PPFIA2: variants seen among roughly 807,000 people sequenced by gnomAD.
PPFIA2 encodes the protein PPFI scaffold protein A2, also known as liprin-alpha-2.
A neutral mutation model predicts 175.5 loss-of-function variants in PPFIA2; 46 were observed. The observed-to-expected ratio is 0.26, with a 90% CI of 0.21 to 0.34. The LOEUF (loss-of-function observed/expected upper bound fraction) is 0.34. PPFIA2 is among the 10% of genes least tolerant of loss of function. PPFIA2 has a pLI of 1.00. For synonymous variants in PPFIA2, 568 were observed against 511.4 expected, an observed-to-expected ratio of 1.11 and a Z score of -1.49; for missense variants, 1,179 against 1,506.1, an observed-to-expected ratio of 0.78 and a Z score of 3.60.
intron 23 of PPFIA2, chr12:81,298,209 T>C (rs894823391): frequency 3.9e-5 from 6 of 152,162 alleles, no homozygotes; most frequent in Non-Finnish European, 5.9e-5. Context: ...TTTTTAAATA[T>C]AGTAATTTTA....
chr12:81,334,996 A>G (rs566801866), intron 21 of PPFIA2, among the ~76,000 whole-genome samples: 5 of 152,284 alleles, frequency 3.3e-5, no homozygotes, highest in African/African-American at 1.2e-4. Context: ...TTGGTGTCCT[A>G]ACTACCTTTC....
intron 8 of PPFIA2, among the ~76,000 whole-genome samples, chr12:81,399,290 CAAAAAAAAAA>C (rs543794696): frequency 1.2e-4 from 5 of 42,018 alleles, no homozygotes; most frequent in African/African-American, 3.3e-4. Flanking sequence ...TCCTTCTTCA[CAAAAAAAAAA>C]AAAAAAAAAA....
intron 4 of PPFIA2, among the ~76,000 whole-genome samples, chr12:81,517,087 T>C (rs1460282553): frequency 6.6e-6 from 1 of 150,638 alleles, no homozygotes; most frequent in Admixed American, 6.6e-5. Flanking sequence ...GCAGCATTTT[T>C]CCTTAACCCC....
chr12:81,616,386 T>C lies in PPFIA2; in HGVS notation c.303+60405A>G, dbSNP rs1458431870. On this transcript the variant is annotated intron_variant, in intron 4 of 32. Coordinates refer to ENST00000549396, the MANE Select transcript of PPFIA2 (RefSeq NM_003625.5). ...TCCAGGCCATGTGACCAGTTTTATA[T>C]TATTAGGCAAGTCTAACAAGTATAT... 2.0e-5 allele frequency among the ~76,000 whole-genome samples: 3 copies of C among 152,216 alleles called. No homozygotes were observed. In the East Asian group the frequency reaches 5.8e-4, roughly 29 times the overall value.
chr12:81,751,007 C>T (rs1459264465), intron 3 of PPFIA2, among the ~76,000 whole-genome samples: 1 of 152,090 alleles, frequency 6.6e-6, no homozygotes, highest in Non-Finnish European at 1.5e-5. Flanking sequence ...TGCCACCAAA[C>T]AGTGGCACAT....
At chr12:81,479,418 C>T (rs1175335671) in intron 4 of PPFIA2, among the ~76,000 whole-genome samples, 2 of 151,976 alleles carry the variant, frequency 1.3e-5, no homozygotes, top group Non-Finnish European at 2.9e-5. Flanking sequence ...GGCATTTAGC[C>T]TTTACATTTA....
intron 14 of PPFIA2, among the ~76,000 whole-genome samples, chr12:81,363,264 A>AT (rs1002128061): frequency 3.3e-5 from 5 of 151,082 alleles, no homozygotes; most frequent in Non-Finnish European, 7.4e-5. Context: ...CAATTGGAGG[A>AT]TTTTTTTAAA....
At chr12:81,427,787 T>C (rs901794887) in intron 7 of PPFIA2, among the ~76,000 whole-genome samples, 6 of 152,034 alleles carry the variant, frequency 3.9e-5, no homozygotes, top group Non-Finnish European at 8.8e-5. Flanking sequence ...GTTTACAAAG[T>C]GCTTCCCTGT....
Position 81,548,363 on chromosome 12 carries a change from T to C in PPFIA2, c.304-90497A>G, listed in dbSNP as rs1225354308. Among the ~76,000 whole-genome samples the C allele has an allele frequency of 2.6e-5, 4 of 152,198 alleles. No homozygotes were observed. The East Asian group carries it at 7.7e-4, about 29-fold the overall frequency. On this transcript the variant is annotated intron_variant, in intron 4 of 32. Transcript: ENST00000549396. ...AGCAAGAGCAAGTTTATTTTCTGTT[T>C]TAATTAATATTTCAAAAAAAGCCAT...
intron 4 of PPFIA2, among the ~76,000 whole-genome samples, chr12:81,620,008 A>G (rs1431663225): frequency 6.6e-6 from 1 of 151,930 alleles, no homozygotes; most frequent in East Asian, 1.9e-4. Context: ...AAATACAAAA[A>G]AATTATCCGG....
At chr12:81,645,609 T>A (rs2065952971) in intron 4 of PPFIA2, among the ~76,000 whole-genome samples, 1 of 152,186 alleles carries the variant, frequency 6.6e-6, no homozygotes, top group African/African-American at 2.4e-5. Context: ...GAAAGCTGAG[T>A]ACTTAAGACG....
intron 4 of PPFIA2, among the ~76,000 whole-genome samples, chr12:81,583,235 A>G (rs1345992086): frequency 6.6e-6 from 1 of 151,954 alleles, no homozygotes; most frequent in Non-Finnish European, 1.5e-5. Flanking sequence ...GAAGCATGCA[A>G]CGTCATTCCT....
chr12:81,443,917 C>G (rs1420436481), intron 6 of PPFIA2, among the ~76,000 whole-genome samples: 1 of 130,186 alleles, frequency 7.7e-6, no homozygotes, highest in African/African-American at 3.0e-5. Flanking sequence ...TGCAGTGGCG[C>G]GATCTGGGCT....
At chr12:81,592,126 C>T (rs557865295) in intron 4 of PPFIA2, among the ~76,000 whole-genome samples, 126 of 152,074 alleles carry the variant, frequency 8.3e-4, no homozygotes, top group Non-Finnish European at 1.5e-3. Flanking sequence ...ATTTGACTGC[C>T]CTGCTGGATT....
chr12:81,516,526 C>T (rs1409093114), intron 4 of PPFIA2, among the ~76,000 whole-genome samples: 1 of 152,054 alleles, frequency 6.6e-6, no homozygotes, highest in Non-Finnish European at 1.5e-5. Flanking sequence ...TGGTTGGGTC[C>T]TAACCCAATA....
At chr12:81,291,263 T>G (rs986083316) in intron 24 of PPFIA2, among the ~76,000 whole-genome samples, 2 of 151,998 alleles carry the variant, frequency 1.3e-5, no homozygotes, top group Non-Finnish European at 2.9e-5. Flanking sequence ...CATATAAAAC[T>G]TAAATGCTAT....
chr12:81,670,040 T>C, intron 4 of PPFIA2, among the ~76,000 whole-genome samples: 1 of 152,048 alleles, frequency 6.6e-6, no homozygotes. Context: ...ACTTTAAGTG[T>C]TTGGCTTTTG....
chr12:81,720,021 A>G (rs1464882762), intron 3 of PPFIA2, among the ~76,000 whole-genome samples: 2 of 150,910 alleles, frequency 1.3e-5, no homozygotes, highest in Non-Finnish European at 3.0e-5. Context: ...TGTCCATTCT[A>G]TCTGCATTTA....
intron 7 of PPFIA2, among the ~76,000 whole-genome samples, chr12:81,439,116 G>A (rs907049487): frequency 6.0e-5 from 9 of 148,892 alleles, no homozygotes; most frequent in Admixed American, 5.4e-4. Flanking sequence ...AAGAGAGATG[G>A]GACTATTTTA....
Sources: gnomAD v4.1 joint callset for allele counts (sites outside exome capture counted in the v4.1 genomes callset) on GRCh38, gnomAD v4.1.1 for gene constraint, MANE v1.5 for transcripts, NCBI Gene and HGNC (gene_info 2026-07-23, HGNC 2026-07-21) for gene names.